The following CFLAR variants were observed in gnomAD, a reference collection of about 807,000 sequenced individuals.
CFLAR encodes CASP8 and FADD like apoptosis regulator.
A neutral mutation model predicts 51.1 loss-of-function variants in CFLAR; 14 were observed. The ratio of observed to expected loss-of-function variants is 0.27; its 90% CI spans 0.18 to 0.43. The LOEUF is 0.43. Ranked by LOEUF, CFLAR falls within the 20% of genes least tolerant of loss-of-function variation. The probability of loss-of-function intolerance (pLI) is 1.00; values close to 1 mark genes in which losing one functional copy is unlikely to be tolerated. For synonymous variants in CFLAR, 210 were observed against 211.6 expected (o/e 0.99, Z 0.06); for missense variants, 390 against 566.5 (o/e 0.69, Z 3.16).
At chr2:201,137,672 G>A in intron 4 of CFLAR, 1 of 760,080 alleles carries the variant, frequency 1.3e-6, no homozygotes, top group Non-Finnish European at 2.4e-6. Context: ...CATGCTGGAT[G>A]CCCACTATGA....
chr2:201,117,124 G>A (rs2047681602), intron 1 of CFLAR: 1 of 152,188 alleles, frequency 6.6e-6, no homozygotes, highest in Non-Finnish European at 1.5e-5. Context: ...CGCCCTGGAG[G>A]GAATTTCACA....
At chr2:201,163,178 G>A in intron 9 of CFLAR, 1 of 1,011,464 alleles carries the variant, frequency 9.9e-7, no homozygotes. Context: ...AATTTGATAG[G>A]TGAAAAGTGG....
At chr2:201,159,147 G>A (rs547940078) in intron 8 of CFLAR, among the ~76,000 whole-genome samples, 5 of 151,952 alleles carry the variant, frequency 3.3e-5, no homozygotes, top group African/African-American at 9.7e-5. Flanking sequence ...CAAAGTGCTA[G>A]GATTACAGAT....
intron 5 of CFLAR, among the ~76,000 whole-genome samples, chr2:201,140,900 A>G (rs1339502973): frequency 1.3e-5 from 2 of 152,178 alleles, no homozygotes; most frequent in African/African-American, 4.8e-5. Context: ...CACCATGCCT[A>G]TGGAAAAAAA....
intron 1 of CFLAR, among the ~76,000 whole-genome samples, chr2:201,121,898 G>A (rs1402110972): frequency 6.6e-6 from 1 of 152,162 alleles, no homozygotes; most frequent in African/African-American, 2.4e-5. Flanking sequence ...TTATTCCTTT[G>A]ATCAAAACCT....
At chr2:201,163,688 T>C (rs1452302558) in intron 9 of CFLAR, 147 bp from the exon 10 acceptor site, 1 of 1,443,774 alleles carries the variant, frequency 6.9e-7, no homozygotes, top group African/African-American at 1.4e-5. Context: ...GCAAGTTAGT[T>C]TGGATCATTT....
Position 201,168,945 on chromosome 2 carries a change from C to T in CFLAR, c.*4972C>T, listed in dbSNP as rs772531774. The T allele has an allele frequency of 1.5e-4, 23 of 152,134 alleles. No homozygotes were observed. Among genetic ancestry groups the T allele is most frequent in the African/African-American group, 3.4e-4 (14 of 41,430 alleles). The allele number at this position is 152,134 out of a possible 1,614,324, so 9.4% of individuals were successfully genotyped here. A position where few individuals can be genotyped will look rare whatever the true frequency, so the allele number is the denominator to read the frequency against. On this transcript the variant is annotated 3_prime_UTR_variant, in exon 10 of 10. Transcript: ENST00000309955. The stretch of plus-strand genomic sequence containing the variant: ...TCTCTTCAAGGAGAACTACAAACCA[C>T]TGCTCAAGGAAATAAGAGAGGACAC...
At position 201,174,156 on chromosome 2, in the gene CFLAR, T is replaced by C. The variant is rs952638002; in HGVS notation, c.*10183T>C. ...CACTTGATTTCTGTTTTTTATGTTA[T>C]TGCTTATGCTTTTGGTGTCATACCT... On this transcript the variant is annotated 3_prime_UTR_variant, in exon 10 of 10. Coordinates refer to ENST00000309955, the MANE Select transcript of CFLAR (RefSeq NM_003879.7). 1.3e-5 allele frequency: 2 copies of C among 152,010 alleles called. No homozygotes were observed. The highest frequency in any genetic ancestry group is 2.9e-5 in the Non-Finnish European group (2 of 68,040). The allele number at this position is 152,010 out of a possible 1,614,324, so 9.4% of individuals were successfully genotyped here.
chr2:201,132,593 A>G lies in CFLAR; in HGVS notation c.282-436A>G, dbSNP rs547389804. Among the ~76,000 whole-genome samples the G allele has an allele frequency of 1.3e-4, 20 of 152,190 alleles. No individual in the cohort carries two copies. The South Asian group carries it at 4.1e-3, about 32-fold the overall frequency. On this transcript the variant is annotated intron_variant, in intron 2 of 9. Coordinates refer to ENST00000309955, the MANE Select transcript of CFLAR (RefSeq NM_003879.7). ...GGTATCTCAGGTATTTCTTTCCTTT[A>G]GCATCTTGCAATTCAAAATATGGTC...
In CFLAR at chr2:201,174,110, G is replaced by A. The variant is rs750113163; in HGVS notation, c.*10137G>A. On this transcript the variant is annotated 3_prime_UTR_variant, in exon 10 of 10. Transcript: ENST00000309955. ...ACTTTCTGGATACTATACAGTACAAGTTTTAAATTTTGATGAAGTTCACTT... is the reference window on the plus strand; with the variant it reads ...ACTTTCTGGATACTATACAGTACAAATTTTAAATTTTGATGAAGTTCACTT... 6.6e-6 allele frequency: 1 copy of A among 152,180 alleles called. No individual in the cohort carries two copies. Among genetic ancestry groups the A allele is most frequent in the Non-Finnish European group, 1.5e-5 (1 of 68,036 alleles). 9.4% of individuals were successfully genotyped at this position (152,180 alleles called of 1,614,324 possible). A position where few individuals can be genotyped will look rare whatever the true frequency, so the allele number is the denominator to read the frequency against.
chr2:201,120,568 G>T (rs1264863154), intron 1 of CFLAR, among the ~76,000 whole-genome samples: 1 of 152,112 alleles, frequency 6.6e-6, no homozygotes, highest in Non-Finnish European at 1.5e-5. Flanking sequence ...TTAAGTTGAA[G>T]AAATGAATAA....
At chr2:201,128,679 T>A (rs995966501) in intron 1 of CFLAR, among the ~76,000 whole-genome samples, 1 of 152,220 alleles carries the variant, frequency 6.6e-6, no homozygotes, top group South Asian at 2.1e-4. Flanking sequence ...AAGCAACCAT[T>A]GGCAATTTAG....
Position 201,170,295 on chromosome 2 carries a change from G to A in CFLAR, c.*6322G>A, listed in dbSNP as rs1198028796. The A allele has an allele frequency of 1.3e-5, 2 of 152,178 alleles. No homozygotes were observed. Among genetic ancestry groups the A allele is most frequent in the African/African-American group, 4.8e-5 (2 of 41,450 alleles). 9.4% of individuals were successfully genotyped at this position (152,178 alleles called of 1,614,324 possible). On this transcript the variant is annotated 3_prime_UTR_variant, in exon 10 of 10. Coordinates refer to ENST00000309955, the MANE Select transcript of CFLAR (RefSeq NM_003879.7). ...AGCCATTACAGCTTTTGGTGATACA[G>A]TGAATCAGATTTTTCATTAATTCTT... is the stretch of plus-strand genomic sequence containing the variant.
rs561568592 is a variant in CFLAR, at chr2:201,132,426, G to GAAAAA, written c.282-602_282-598dup. Among the ~76,000 whole-genome samples, 180 of 137,954 alleles carry GAAAAA rather than the reference G, an allele frequency of 1.3e-3. 2 individuals are homozygous for GAAAAA. Among genetic ancestry groups the GAAAAA allele is most frequent in the African/African-American group, 4.8e-3 (172 of 35,856 alleles). 90.5% of individuals were successfully genotyped at this position (137,954 alleles called of 152,430 possible). A position where few individuals can be genotyped will look rare whatever the true frequency, so the allele number is the denominator to read the frequency against. ...TCTCAAAGTCTATTTCCTAGGGGGG[G>GAAAAA]AAAAATATATATATATATATATATA... On this transcript the variant is annotated intron_variant, in intron 2 of 9. Transcript: ENST00000309955.
intron 3 of CFLAR, among the ~76,000 whole-genome samples, chr2:201,134,225 T>G (rs1290156738): frequency 6.6e-6 from 1 of 151,258 alleles, no homozygotes; most frequent in African/African-American, 2.4e-5. Flanking sequence ...GGAGAATCAC[T>G]TGAACCCAGG....
chr2:201,140,249 T>G, intron 4 of CFLAR, 108 bp from the exon 5 acceptor site: 2 of 1,391,934 alleles, frequency 1.4e-6, no homozygotes, highest in Non-Finnish European at 9.8e-7. Flanking sequence ...CTAGAAAGTT[T>G]AGGGTATTTT....
In CFLAR at chr2:201,166,377, G is replaced by A. The variant is rs1334590303; in HGVS notation, c.*2404G>A. 1.8e-5 allele frequency: 3 copies of A among 164,138 alleles called. No homozygotes were observed. The highest frequency in any genetic ancestry group is 2.6e-5 in the Non-Finnish European group (2 of 76,544). The allele number at this position is 164,138 out of a possible 1,614,324, so 10.2% of individuals were successfully genotyped here. On this transcript the variant is annotated 3_prime_UTR_variant, in exon 10 of 10. Coordinates refer to ENST00000309955, the MANE Select transcript of CFLAR (RefSeq NM_003879.7). ...TCACTTCCCAGACAGGGTGGCTGTC[G>A]GGCGGAGGGGCTCCTCACTTCTCAG...
At chr2:201,119,651 T>C (rs1034334319) in intron 1 of CFLAR, among the ~76,000 whole-genome samples, 2 of 152,154 alleles carry the variant, frequency 1.3e-5, no homozygotes, top group African/African-American at 2.4e-5. Flanking sequence ...CTCTGTACTT[T>C]CATATGCTCA....
intron 5 of CFLAR, 46 bp from the exon 6 acceptor site, chr2:201,145,332 C>G (rs1437870374): frequency 1.7e-6 from 2 of 1,175,012 alleles, no homozygotes; most frequent in Non-Finnish European, 2.5e-6. Context: ...TAGTGTACCT[C>G]TGAAATAACT....
Sources: allele counts gnomAD v4.1 joint callset (sites outside exome capture counted in the v4.1 genomes callset), GRCh38; gene constraint gnomAD v4.1.1; transcripts MANE v1.5; gene names NCBI Gene and HGNC (gene_info 2026-07-23, HGNC 2026-07-21).